MMD: variants seen among roughly 807,000 people sequenced by gnomAD.
The protein encoded by MMD is monocyte to macrophage differentiation associated.
MMD carries 22 observed loss-of-function variants against 33.6 expected under a neutral mutation model. The observed-to-expected ratio is 0.66, with a 90% CI of 0.47 to 0.94. The LOEUF is 0.94. Ranked by LOEUF, MMD falls within the 40% of genes least tolerant of loss-of-function variation. The pLI is 0.00. For missense variants in MMD, 242 were observed against 309.8 expected, an observed-to-expected ratio of 0.78 and a Z score of 1.64; for synonymous variants, 97 against 103.2, an observed-to-expected ratio of 0.94 and a Z score of 0.36.
chr17:55,419,195 T>G (rs1908082644), intron 1 of MMD, among the ~76,000 whole-genome samples: 1 of 152,242 alleles, frequency 6.6e-6, no homozygotes. Context: ...TGAGGATGAG[T>G]AATATACAAG....
chr17:55,396,607 G>A (rs62078252), intron 6 of MMD, among the ~76,000 whole-genome samples: 1 of 151,522 alleles, frequency 6.6e-6, no homozygotes, highest in African/African-American at 2.4e-5. Flanking sequence ...GTTGTTGGTG[G>A]TGGTGGTGGT....
chr17:55,395,791 C>T (rs182373539), intron 6 of MMD, among the ~76,000 whole-genome samples: 16 of 152,308 alleles, frequency 1.1e-4, no homozygotes, highest in Admixed American at 3.3e-4. Context: ...AAATACCACA[C>T]GTTATTAATT....
chr17:55,421,656 G>A lies in MMD; in HGVS notation c.26+14C>T, dbSNP rs749131454. The A allele has an allele frequency of 5.0e-6, 8 of 1,598,542 alleles. No homozygotes were observed. The Admixed American group carries it at 8.6e-5, about 17-fold the overall frequency. On this transcript the variant is annotated intron_variant, in intron 1 of 6. Coordinates refer to ENST00000262065, the MANE Select transcript of MMD (RefSeq NM_012329.3). ...CTGACACGGGCAGCGGGACCGGGAC[G>A]CCATCCCTCTCACCGCTGGAATCGA...
intron 1 of MMD, among the ~76,000 whole-genome samples, chr17:55,420,944 C>T (rs1341451019): frequency 6.6e-6 from 1 of 152,218 alleles, no homozygotes; most frequent in African/African-American, 2.4e-5. Context: ...GGCCAGCCTT[C>T]CGGTGGCGCC....
intron 2 of MMD, 70 bp from the exon 3 acceptor site, chr17:55,411,487 T>A: frequency 6.9e-7 from 1 of 1,458,330 alleles, no homozygotes; most frequent in Non-Finnish European, 9.2e-7. Context: ...TTACTAAAAA[T>A]ACAGAGCTTT....
chr17:55,396,170 A>G (rs935671725), intron 6 of MMD, among the ~76,000 whole-genome samples: 3 of 152,226 alleles, frequency 2.0e-5, no homozygotes, highest in African/African-American at 7.2e-5. Context: ...CCTAGAACAT[A>G]GTTAATTCTG....
intron 1 of MMD, among the ~76,000 whole-genome samples, chr17:55,414,814 C>T (rs188353976): frequency 2.6e-4 from 40 of 152,206 alleles, no homozygotes; most frequent in African/African-American, 8.4e-4. Flanking sequence ...ATAAATGACA[C>T]CTGGCTACCT....
intron 3 of MMD, among the ~76,000 whole-genome samples, chr17:55,409,807 A>G (rs1907692219): frequency 6.6e-6 from 1 of 152,234 alleles, no homozygotes; most frequent in African/African-American, 2.4e-5. Flanking sequence ...TAGACATCGA[A>G]GCCAAGTTTG....
chr17:55,401,847 G>A (rs1241886486), intron 5 of MMD, among the ~76,000 whole-genome samples: 1 of 152,078 alleles, frequency 6.6e-6, no homozygotes, highest in East Asian at 1.9e-4. Context: ...GCCGAGGCGG[G>A]CGGATCACGA....
intron 1 of MMD, among the ~76,000 whole-genome samples, chr17:55,415,019 C>T (rs1189024563): frequency 6.6e-6 from 1 of 152,176 alleles, no homozygotes; most frequent in Non-Finnish European, 1.5e-5. Context: ...TTCCGCACTT[C>T]CCTTTAGGCT....
rs1367615329 is a variant in MMD, at chr17:55,401,045, A to G, written c.516+424T>C. 2.0e-5 allele frequency among the ~76,000 whole-genome samples: 3 copies of G among 152,344 alleles called. No homozygotes were observed. In the East Asian group the frequency reaches 5.8e-4, roughly 29 times the overall value. On this transcript the variant is annotated intron_variant, in intron 6 of 6. Coordinates refer to ENST00000262065, the MANE Select transcript of MMD (RefSeq NM_012329.3). ...ATTTGAAAAATACCTCTCTGAACCT[A>G]TTCTGGTTCTGATTCAGGAAAGTAC... is the stretch of plus-strand genomic sequence containing the variant.
chr17:55,395,539 G>T (rs559249708), intron 6 of MMD, among the ~76,000 whole-genome samples: 1 of 152,300 alleles, frequency 6.6e-6, no homozygotes, highest in South Asian at 2.1e-4. Context: ...GGGCCCCAAG[G>T]CCCTCGGCTA....
intron 3 of MMD, 55 bp downstream of exon 3, chr17:55,411,201 CA>C: frequency 1.3e-6 from 2 of 1,560,890 alleles, no homozygotes; most frequent in Non-Finnish European, 1.7e-6. Flanking sequence ...GGAAGGGTAC[CA>C]AACACGTTGA....
At chr17:55,413,629 A>C (rs1842869035) in intron 2 of MMD, among the ~76,000 whole-genome samples, 1 of 152,236 alleles carries the variant, frequency 6.6e-6, no homozygotes, top group South Asian at 2.1e-4. Context: ...TTAACAAAAA[A>C]TTTAGGGATC....
rs1188892195 is a variant in MMD at position 55,416,989 on chromosome 17, C to T, written c.27-2757G>A. On this transcript the variant is annotated intron_variant, in intron 1 of 6. Coordinates refer to ENST00000262065, the MANE Select transcript of MMD (RefSeq NM_012329.3). ...CCTTGCCCAACGTTCTTATCACCTC[C>T]TCCTTCCCCCATACCCCTCTCCCAT... Among the ~76,000 whole-genome samples the T allele has an allele frequency of 2.6e-5, 4 of 152,168 alleles. No homozygotes were observed. In the East Asian group the frequency reaches 7.7e-4, roughly 29 times the overall value.
At chr17:55,407,666 A>G in intron 4 of MMD, 80 bp downstream of exon 4, 3 of 1,314,298 alleles carry the variant, frequency 2.3e-6, no homozygotes, top group Non-Finnish European at 3.2e-6. Flanking sequence ...GGGTGGGGAC[A>G]AGAGGGAGAA....
chr17:55,405,298 A>G lies in MMD; in HGVS notation c.345-1430T>C, dbSNP rs1005501868. 2.2e-4 allele frequency among the ~76,000 whole-genome samples: 34 copies of G among 151,476 alleles called. 1 individual carries two copies. Among genetic ancestry groups the G allele is most frequent in the Non-Finnish European group, 4.4e-5 (3 of 67,906 alleles). ...CGCAGGAGAATCTCTTGAACCCAGG[A>G]GGCAGAGGTTGCGGTGAGCCAAGAT... On this transcript the variant is annotated intron_variant, in intron 4 of 6. Transcript: ENST00000262065.
chr17:55,414,219 G>A lies in MMD; in HGVS notation c.40C>T (p.Arg14Ter), dbSNP rs1036774966. 1.1e-5 allele frequency: 18 copies of A among 1,613,630 alleles called. No homozygotes were observed. Among genetic ancestry groups the A allele is most frequent in the Middle Eastern group, 1.6e-4 (1 of 6,076 alleles). ...TTGTAGCGGCCATTGGCTGGAGCTC[G>A]ATGGTTCATGAACCTGTAAAAACAA... ...KNRFQRFMNH[R>*]APANGRYKPT... is the part of the protein sequence containing the mutation. The change falls in exon 2 of 7, where the codon CGA (arginine) becomes TGA (stop). Residue 14 changes from arginine (R) to a stop codon, truncating the protein, a stop_gained. Coordinates refer to ENST00000262065, the MANE Select transcript of MMD (RefSeq NM_012329.3). LOFTEE classifies it high-confidence loss of function.
chr17:55,406,048 CT>C (rs1429494078), intron 4 of MMD, among the ~76,000 whole-genome samples: 1 of 152,210 alleles, frequency 6.6e-6, no homozygotes, highest in Non-Finnish European at 1.5e-5. Context: ...GATAAACACA[CT>C]TGCTATATAG....
Sources: allele counts gnomAD v4.1 joint callset (sites outside exome capture counted in the v4.1 genomes callset), GRCh38; gene constraint gnomAD v4.1.1; transcripts MANE v1.5; gene names NCBI Gene and HGNC (gene_info 2026-07-23, HGNC 2026-07-21).